Variants in ZMYM4 observed in about 807,000 individuals in gnomAD.
ZMYM4 encodes zinc finger MYM-type containing 4.
A neutral mutation model predicts 183.2 loss-of-function variants in ZMYM4; 31 were observed. That is an observed-to-expected ratio of 0.17 (90% CI 0.13 to 0.23). ZMYM4 has a LOEUF of 0.23. ZMYM4 is among the 10% of genes least tolerant of loss of function. The pLI is 1.00. For missense variants in ZMYM4, 1,273 were observed against 1,840.3 expected (o/e 0.69, Z 5.64); for synonymous variants, 592 against 631.2 (o/e 0.94, Z 0.93).
At chr1:35,284,922 TG>T (rs34788276) in intron 1 of ZMYM4, among the ~76,000 whole-genome samples, 203 of 152,228 alleles carry the variant, frequency 1.3e-3, no homozygotes, top group Non-Finnish European at 2.1e-3. Context: ...TATTATTACA[TG>T]GGGGGTTAAG....
chr1:35,330,854 C>A (rs1195180443), intron 2 of ZMYM4, among the ~76,000 whole-genome samples: 1 of 152,196 alleles, frequency 6.6e-6, no homozygotes, highest in Non-Finnish European at 1.5e-5. Flanking sequence ...CACCCTAGTT[C>A]ACTTGTATCA....
chr1:35,409,584 G>A (rs1407399338), intron 26 of ZMYM4, among the ~76,000 whole-genome samples: 1 of 151,944 alleles, frequency 6.6e-6, no homozygotes, highest in Non-Finnish European at 1.5e-5. Flanking sequence ...TTGGAGAAAT[G>A]TCTATTTAAG....
intron 27 of ZMYM4, among the ~76,000 whole-genome samples, chr1:35,414,583 T>G (rs184250494): frequency 6.6e-6 from 1 of 152,216 alleles, no homozygotes; most frequent in Non-Finnish European, 1.5e-5. Context: ...CAGAGCACCT[T>G]TAACAGTAAG....
At chr1:35,334,714 A>G (rs893451726) in intron 2 of ZMYM4, among the ~76,000 whole-genome samples, 1 of 152,224 alleles carries the variant, frequency 6.6e-6, no homozygotes, top group African/African-American at 2.4e-5. Flanking sequence ...TACATAATAG[A>G]CAATCACTAT....
intron 2 of ZMYM4, among the ~76,000 whole-genome samples, chr1:35,339,759 C>T (rs1643128744): frequency 1.3e-5 from 2 of 152,056 alleles, no homozygotes; most frequent in Admixed American, 1.3e-4. Flanking sequence ...TTGAATTACC[C>T]TACACTAATT....
chr1:35,351,067 A>G (rs1643588316), intron 2 of ZMYM4: 5 of 844,728 alleles, frequency 5.9e-6, no homozygotes, highest in Non-Finnish European at 6.0e-6. Flanking sequence ...GGCATGGACA[A>G]GATCTGTGAA....
At chr1:35,307,486 T>A (rs867328821) in intron 1 of ZMYM4, among the ~76,000 whole-genome samples, 21 of 150,952 alleles carry the variant, frequency 1.4e-4, no homozygotes, top group Admixed American at 4.0e-4. Context: ...TAAAAAAAAA[T>A]TTTAATTGTT....
rs1644169886 is a variant in ZMYM4, at chr1:35,370,046, A to G, written c.858A>G (p.Gln286=). ...CTTTAAAGGAGTATAGTCATGGCCA[A>G]CAGCAAAAAACTCAAGAGGGGGAAC... ...PDNAQEYSHG[Q]QQKTQEGELK... The change falls in exon 6 of 30, where the codon CAA becomes CAG. Residue 286 remains glutamine (Q), a synonymous_variant. Transcript: ENST00000314607. 1 of 1,613,012 alleles carries G rather than the reference A, an allele frequency of 6.2e-7. No individual in the cohort carries two copies. Among genetic ancestry groups the G allele is most frequent in the South Asian group, 1.1e-5 (1 of 90,996 alleles).
intron 4 of ZMYM4, 77 bp downstream of exon 4, chr1:35,361,332 C>G (rs1643931668): frequency 7.1e-7 from 1 of 1,399,476 alleles, no homozygotes; most frequent in Non-Finnish European, 9.8e-7. Context: ...TTTCTAAATT[C>G]TAACAATGTA....
rs1164161695 is a variant in ZMYM4, at chr1:35,268,812, GC to G, written c.-230del. On this transcript the variant is annotated 5_prime_UTR_variant, in exon 1 of 30. Transcript: ENST00000314607. Reference sequence around the variant, plus strand: ...GAGGCCATTAACCCCCCGAGTCCCGGCCCCCACCCCGTCCCCGGGCAGGCCC... The same window carrying G: ...GAGGCCATTAACCCCCCGAGTCCCGGCCCCACCCCGTCCCCGGGCAGGCCC... 6.6e-6 allele frequency among the ~76,000 whole-genome samples: 1 copy of G among 152,166 alleles called. No individual in the cohort carries two copies. The highest frequency in any genetic ancestry group is 1.5e-5 in the Non-Finnish European group (1 of 67,996).
At chr1:35,271,311 A>C (rs892714975) in intron 1 of ZMYM4, among the ~76,000 whole-genome samples, 2 of 152,006 alleles carry the variant, frequency 1.3e-5, no homozygotes, top group Admixed American at 6.6e-5. Flanking sequence ...CTTGTCGTAC[A>C]CTTAAAAGAT....
chr1:35,376,528 ACTT>A (rs2148952151), intron 7 of ZMYM4, among the ~76,000 whole-genome samples: 1 of 150,098 alleles, frequency 6.7e-6, no homozygotes, highest in Admixed American at 6.6e-5. Context: ...AATTATTTAT[ACTT>A]CTTTTTTTTT....
Position 35,386,100 on chromosome 1 carries a change from A to G in ZMYM4, c.1747A>G (p.Lys583Glu). The change falls in exon 11 of 30, where the codon AAA becomes GAA. Residue 583 changes from lysine (K) to glutamate (E), a missense_variant. By Grantham distance (56) the Lys-to-Glu change is moderately conservative (BLOSUM62 1). Transcript: ENST00000314607. ...TGTACAAGTTCAGTGTAACAGTTGT[A>G]AAACCTCAGCAATTCCTCAGTATCA... ...AGVQVQCNSCKTSAIPQYHLA... is the reference protein window; with the variant it reads ...AGVQVQCNSCETSAIPQYHLA... The G allele has an allele frequency of 1.9e-6, 3 of 1,613,858 alleles. No homozygotes were observed. Among genetic ancestry groups the G allele is most frequent in the Non-Finnish European group, 1.7e-6 (2 of 1,179,814 alleles).
At chr1:35,304,847 T>TTATG (rs1641457548) in intron 1 of ZMYM4, among the ~76,000 whole-genome samples, 4 of 150,904 alleles carry the variant, frequency 2.7e-5, no homozygotes, top group African/African-American at 9.8e-5. Flanking sequence ...CAAGTAAACT[T>TTATG]TATTTTTTAT....
At chr1:35,295,804 T>C (rs915611623) in intron 1 of ZMYM4, 2 of 152,218 alleles carry the variant, frequency 1.3e-5, no homozygotes, top group African/African-American at 4.8e-5. Context: ...GTGAATTGAC[T>C]AACTTTGGAA....
chr1:35,384,451 A>G (rs981958567), intron 9 of ZMYM4, among the ~76,000 whole-genome samples: 16 of 152,210 alleles, frequency 1.1e-4, no homozygotes, highest in African/African-American at 3.9e-4. Context: ...TTTAAAAATT[A>G]TCCTGAATGT....
In ZMYM4 at chr1:35,306,448, A is replaced by G. The variant is rs191127336; in HGVS notation, c.40-18912A>G. The stretch of plus-strand genomic sequence containing the variant: ...TTACCAGTATTCATTTTGATACTCA[A>G]ATTATCCCATATTCAGCCTGTGGGA... On this transcript the variant is annotated intron_variant, in intron 1 of 29. Transcript: ENST00000314607. Among the ~76,000 whole-genome samples, 14 of 152,256 alleles carry G rather than the reference A, an allele frequency of 9.2e-5. No homozygotes were observed. In the East Asian group the frequency reaches 2.7e-3, roughly 29 times the overall value.
chr1:35,303,540 C>T (rs1038323140), intron 1 of ZMYM4, among the ~76,000 whole-genome samples: 4 of 151,838 alleles, frequency 2.6e-5, no homozygotes, highest in East Asian at 1.9e-4. Context: ...CAAGTGGCTG[C>T]GACTATAGGC....
At chr1:35,400,288 A>T (rs1379556294) in intron 23 of ZMYM4, 3 of 112,178 alleles carry the variant, frequency 2.7e-5, no homozygotes, top group African/African-American at 1.1e-4. Flanking sequence ...TGCAAGCTCC[A>T]CCTCCTGGGT....
Sources: gnomAD v4.1 joint callset for allele counts (sites outside exome capture counted in the v4.1 genomes callset) on GRCh38, gnomAD v4.1.1 for gene constraint, MANE v1.5 for transcripts, NCBI Gene and HGNC (gene_info 2026-07-23, HGNC 2026-07-21) for gene names.